Variants in GARIN2 observed in about 807,000 individuals in gnomAD.
GARIN2 encodes Golgi-associated RAB2 interactor protein 2.
chr14:67,199,091 C>A, the GARIN2 span: 3 of 1,063,524 alleles, frequency 2.8e-6, no homozygotes, highest in Non-Finnish European at 4.4e-6. Flanking sequence ...CCGAGCGGAA[C>A]CAGGATGCCA....
chr14:67,201,363 G>A, the GARIN2 span: 6 of 436,500 alleles, frequency 1.4e-5, no homozygotes, highest in African/African-American at 1.0e-4. Flanking sequence ...GAGTGAAAGA[G>A]CCCCAGGGCA....
At chr14:67,199,649 G>C in the GARIN2 span, 1 of 1,577,834 alleles carries the variant, frequency 6.3e-7, no homozygotes, top group Non-Finnish European at 8.7e-7. Flanking sequence ...ACTTCTGGCA[G>C]CTCAGAACCC....
At chr14:67,189,974 G>A in the GARIN2 span, among the ~76,000 whole-genome samples, 1 of 150,012 alleles carries the variant, frequency 6.7e-6, no homozygotes, top group Non-Finnish European at 1.5e-5. Flanking sequence ...CCGAGTAGCT[G>A]GGATTACAAG....
the GARIN2 span, among the ~76,000 whole-genome samples, chr14:67,207,805 G>A: frequency 6.6e-6 from 1 of 152,128 alleles, no homozygotes; most frequent in Non-Finnish European, 1.5e-5. Context: ...TTTATATTAT[G>A]AGCCCCCAGC....
chr14:67,200,214 A>G, the GARIN2 span: 1 of 1,092,056 alleles, frequency 9.2e-7, no homozygotes, highest in Non-Finnish European at 1.3e-6. Context: ...CCATGGATAC[A>G]CTGGCCCTCC....
the GARIN2 span, among the ~76,000 whole-genome samples, chr14:67,221,281 G>A: frequency 6.6e-6 from 1 of 152,182 alleles, no homozygotes; most frequent in Non-Finnish European, 1.5e-5. Flanking sequence ...GCCACCCCTG[G>A]TAAAGCCAAA....
the GARIN2 span, among the ~76,000 whole-genome samples, chr14:67,215,932 C>T: frequency 1.3e-5 from 2 of 152,036 alleles, no homozygotes; most frequent in Non-Finnish European, 2.9e-5. Flanking sequence ...AAAACAAATG[C>T]CCTAAACCAT....
chr14:67,212,636 A>ATATAT, the GARIN2 span, among the ~76,000 whole-genome samples: 1 of 145,664 alleles, frequency 6.9e-6, no homozygotes, highest in African/African-American at 2.5e-5. Context: ...TATATATAAT[A>ATATAT]TATATTACAT....
chr14:67,225,060 C>A, the GARIN2 span: 4 of 1,282,054 alleles, frequency 3.1e-6, no homozygotes, highest in Middle Eastern at 1.9e-4. Flanking sequence ...TTCTTTCTCA[C>A]TTCCTCTCTA....
At chr14:67,204,180 T>C in the GARIN2 span, among the ~76,000 whole-genome samples, 4 of 152,104 alleles carry the variant, frequency 2.6e-5, no homozygotes, top group Non-Finnish European at 5.9e-5. Flanking sequence ...CTCACACCTG[T>C]AATCCCAGTA....
chr14:67,205,707 A>T, the GARIN2 span, among the ~76,000 whole-genome samples: 1 of 152,200 alleles, frequency 6.6e-6, no homozygotes, highest in African/African-American at 2.4e-5. Context: ...AAAGTTGCTT[A>T]AAAAACTTGA....
the GARIN2 span, among the ~76,000 whole-genome samples, chr14:67,193,355 GAT>G: frequency 1.6e-5 from 2 of 127,836 alleles, no homozygotes; most frequent in African/African-American, 2.8e-5. Flanking sequence ...TCTATATAGA[GAT>G]ATATAATCTA....
At chr14:67,204,799 G>T in the GARIN2 span, 1 of 1,613,970 alleles carries the variant, frequency 6.2e-7, no homozygotes, top group Non-Finnish European at 8.5e-7. Context: ...TGTGACGGAT[G>T]TCACCACGTT....
the GARIN2 span, chr14:67,205,016 A>T: frequency 6.4e-7 from 1 of 1,556,078 alleles, no homozygotes; most frequent in Admixed American, 2.0e-5. Context: ...GACAGCTCTG[A>T]TATTACAAAC....
At chr14:67,216,357 C>T in the GARIN2 span, among the ~76,000 whole-genome samples, 18 of 151,958 alleles carry the variant, frequency 1.2e-4, no homozygotes, top group African/African-American at 4.1e-4. Context: ...ATGAGTTAAT[C>T]ACGTTTTGTT....
chr14:67,199,081 C>G, the GARIN2 span: 12 of 976,440 alleles, frequency 1.2e-5, no homozygotes, highest in African/African-American at 1.4e-4. Flanking sequence ...AGGCCGATCT[C>G]CGAGCGGAAC....
At chr14:67,220,391 A>G in the GARIN2 span, among the ~76,000 whole-genome samples, 1 of 152,142 alleles carries the variant, frequency 6.6e-6, no homozygotes, top group Non-Finnish European at 1.5e-5. Flanking sequence ...GCAAAGAGCC[A>G]TGATAGAGCC....
chr14:67,190,200 C>A, the GARIN2 span, among the ~76,000 whole-genome samples: 19 of 149,856 alleles, frequency 1.3e-4, 2 homozygotes, highest in African/African-American at 4.4e-4. Context: ...CAGGCGTGAG[C>A]CACTGTGCCC....
the GARIN2 span, among the ~76,000 whole-genome samples, chr14:67,212,598 A>T: frequency 8.2e-3 from 1,117 of 135,878 alleles, 7 homozygotes; most frequent in African/African-American, 0.026. Flanking sequence ...TGAAAAAAAA[A>T]ATATATATAT....
Sources: allele counts gnomAD v4.1 joint callset (sites outside exome capture counted in the v4.1 genomes callset), GRCh38; gene constraint gnomAD v4.1.1; transcripts MANE v1.5; gene names NCBI Gene and HGNC (gene_info 2026-07-23, HGNC 2026-07-21).